ABCA5: variants seen among roughly 807,000 people sequenced by gnomAD.
The protein encoded by ABCA5 is cholesterol transporter ABCA5.
ABCA5 carries 163 observed loss-of-function variants against 206.0 expected under a neutral mutation model. That is an observed-to-expected ratio of 0.79 (90% confidence interval 0.70 to 0.90). The LOEUF (loss-of-function observed/expected upper bound fraction) is 0.90. Ranked by LOEUF, ABCA5 falls within the 40% of genes least tolerant of loss-of-function variation. The probability of loss-of-function intolerance (pLI) is 0.00; values close to 1 mark genes in which losing one functional copy is unlikely to be tolerated. For synonymous variants in ABCA5, 609 were observed against 613.8 expected (o/e 0.99, Z 0.11); for missense variants, 1,859 against 1,912.9 (o/e 0.97, Z 0.53).
intron 11 of ABCA5, among the ~76,000 whole-genome samples, chr17:69,294,250 C>T (rs1033554783): frequency 1.3e-5 from 2 of 152,100 alleles, no homozygotes; most frequent in Non-Finnish European, 2.9e-5. Context: ...GGGCTGGGCG[C>T]AGTGGCTCAT....
intron 9 of ABCA5, among the ~76,000 whole-genome samples, chr17:69,300,844 G>A (rs2075644687): frequency 2.0e-5 from 3 of 151,782 alleles, no homozygotes; most frequent in African/African-American, 7.3e-5. Context: ...GACCTTAGAG[G>A]GTAAAATAAA....
chr17:69,298,289 G>GAAGGA (rs2075610799), intron 9 of ABCA5, among the ~76,000 whole-genome samples: 1 of 48,320 alleles, frequency 2.1e-5, no homozygotes, highest in Non-Finnish European at 4.8e-5. Context: ...GGAAGGGAGG[G>GAAGGA]AGGGGAAAGA....
Position 69,276,050 on chromosome 17 carries a change from C to T in ABCA5, c.2594+1591G>A, listed in dbSNP as rs1477172815. 2.3e-5 allele frequency among the ~76,000 whole-genome samples: 3 copies of T among 132,412 alleles called. 1 individual carries two copies. Among genetic ancestry groups the T allele is most frequent in the Non-Finnish European group, 4.5e-5 (3 of 65,958 alleles). 86.9% of individuals were successfully genotyped at this position (132,412 alleles called of 152,430 possible). A position where few individuals can be genotyped will look rare whatever the true frequency, so the allele number is the denominator to read the frequency against. On this transcript the variant is annotated intron_variant, in intron 19 of 38. Transcript: ENST00000392676. Reference sequence around the variant, plus strand: ...CCCAGTAAATGGTATTTTGTCATGGCAGTCAAAGCTGACTAAGGTATTTTA... The same window carrying T: ...CCCAGTAAATGGTATTTTGTCATGGTAGTCAAAGCTGACTAAGGTATTTTA...
At chr17:69,254,197 AAT>A in intron 32 of ABCA5, 116 bp downstream of exon 32, 1 of 822,850 alleles carries the variant, frequency 1.2e-6, no homozygotes, top group Non-Finnish European at 1.8e-6. Context: ...ATGAAAAAGT[AAT>A]AAACATTTTC....
Position 69,294,696 on chromosome 17 carries a change from T to C in ABCA5, c.1454A>G (p.Lys485Arg). Residue 485 changes from lysine (K) to arginine (R), a missense_variant, in exon 11 of 39, where the codon AAG becomes AGG. Lys to Arg is a conservative substitution (Grantham distance 26). Coordinates refer to ENST00000392676, the MANE Select transcript of ABCA5 (RefSeq NM_172232.4). ...ATTTTCACCCTTCTTTCTGTATGTC[T>C]TCTGAATACCACTAATTCTGAAATA... ...KEAIRISGIQ[K>R]TYRKKGENVE... 1 of 1,604,384 alleles carries C rather than the reference T, an allele frequency of 6.2e-7. No homozygotes were observed. The highest frequency in any genetic ancestry group is 8.5e-7 in the Non-Finnish European group (1 of 1,173,296).
In ABCA5 at chr17:69,246,955, C is replaced by T. The variant is rs547977141; in HGVS notation, c.*582G>A. ...CATGTACTAGAACAAGGGCTCATTTCACTTATTATGATCAATGACTGCCAC... is the reference window on the plus strand; with the variant it reads ...CATGTACTAGAACAAGGGCTCATTTTACTTATTATGATCAATGACTGCCAC... On this transcript the variant is annotated 3_prime_UTR_variant, in exon 39 of 39. Transcript: ENST00000392676. 3 of 152,054 alleles carry T rather than the reference C, an allele frequency of 2.0e-5. No homozygotes were observed. Among genetic ancestry groups the T allele is most frequent in the Admixed American group, 2.0e-4 (3 of 15,272 alleles). The allele number at this position is 152,054 out of a possible 1,614,324, so 9.4% of individuals were successfully genotyped here.
At chr17:69,297,982 T>G (rs886990505) in intron 9 of ABCA5, among the ~76,000 whole-genome samples, 6 of 152,070 alleles carry the variant, frequency 3.9e-5, no homozygotes, top group African/African-American at 1.4e-4. Flanking sequence ...CCCAGGAGTT[T>G]GAGACCAGCC....
In ABCA5 at chr17:69,287,655, C is replaced by G. The variant is rs764955970; in HGVS notation, c.1999G>C (p.Val667Leu). The change falls in exon 15 of 39, where the codon GTG becomes CTG. Residue 667 changes from valine to leucine, a missense_variant. Coordinates refer to ENST00000392676, the MANE Select transcript of ABCA5 (RefSeq NM_172232.4). The part of the protein sequence containing the change: ...LKYRKANRVT[V>L]FSTHFMDEAD... ...TCATCCATGAAATGAGTACTGAACA[C>G]TGTCACCCGATTGGCTTTTCTGTAT... is the stretch of plus-strand genomic sequence containing the variant. 4 of 1,613,924 alleles carry G rather than the reference C, an allele frequency of 2.5e-6. No homozygotes were observed. The highest frequency in any genetic ancestry group is 2.5e-6 in the Non-Finnish European group (3 of 1,179,888).
At position 69,247,148 on chromosome 17, in the gene ABCA5, A is replaced by T. The variant is rs15886; in HGVS notation, c.*389T>A. ...GTATCTTTTCTATGCATTAGTTATG[A>T]ATTAGTTTTTTATTTAGATTGGAAC... On this transcript the variant is annotated 3_prime_UTR_variant, in exon 39 of 39. Transcript: ENST00000392676. 60,408 of 153,154 alleles carry T rather than the reference A, an allele frequency of 0.39. 12,800 individuals carry two copies. The highest frequency in any genetic ancestry group is 0.51 in the Middle Eastern group (151 of 298). 9.5% of individuals were successfully genotyped at this position (153,154 alleles called of 1,614,324 possible).
chr17:69,248,256 T>C lies in ABCA5; in HGVS notation c.4821+6A>G, dbSNP rs767634576. On this transcript the variant is annotated splice_donor_region_variant and intron_variant, in intron 38 of 38. Transcript: ENST00000392676. ...AATAATTTTTAAAAATTTAACTTTA[T>C]AGTACCTGTTCCAATGTTGCTTGAG... is the stretch of plus-strand genomic sequence containing the variant. The C allele has an allele frequency of 4.0e-6, 6 of 1,513,218 alleles. No individual in the cohort carries two copies. The highest frequency in any genetic ancestry group is 3.6e-6 in the Non-Finnish European group (4 of 1,106,000). 93.7% of individuals were successfully genotyped at this position (1,513,218 alleles called of 1,614,324 possible).
At chr17:69,315,788 A>AG (rs1411203157) in intron 1 of ABCA5, among the ~76,000 whole-genome samples, 1 of 151,866 alleles carries the variant, frequency 6.6e-6, no homozygotes, top group African/African-American at 2.4e-5. Flanking sequence ...GCCTCAAAAA[A>AG]AAAAAAAAAT....
At chr17:69,248,394 T>C (rs766576988) in intron 37 of ABCA5, 77 bp from the exon 38 acceptor site, 8 of 803,600 alleles carry the variant, frequency 1.0e-5, no homozygotes, top group Non-Finnish European at 1.6e-5. Context: ...TGGCTAACAA[T>C]GTTTTAAAAT....
chr17:69,251,567 G>A, intron 35 of ABCA5, 180 bp downstream of exon 35: 1 of 704,744 alleles, frequency 1.4e-6, no homozygotes, highest in South Asian at 3.2e-5. Flanking sequence ...CAAATTCAAA[G>A]TAGACAGCCA....
intron 14 of ABCA5, 32 bp from the exon 15 acceptor site, chr17:69,287,783 A>C: frequency 6.3e-7 from 1 of 1,595,984 alleles, no homozygotes; most frequent in Non-Finnish European, 8.5e-7. Context: ...AGGGCAGGGA[A>C]TCCTCAGAAA....
chr17:69,272,943 G>A (rs2075288630), intron 20 of ABCA5, among the ~76,000 whole-genome samples: 1 of 152,174 alleles, frequency 6.6e-6, no homozygotes, highest in Non-Finnish European at 1.5e-5. Context: ...TGTAGGTGAA[G>A]TGTTAGAAAG....
chr17:69,256,347 C>A, intron 28 of ABCA5, 64 bp from the exon 29 acceptor site: 1 of 1,094,652 alleles, frequency 9.1e-7, no homozygotes, highest in Non-Finnish European at 1.2e-6. Flanking sequence ...GTAAGAAATT[C>A]AGATACTAGG....
chr17:69,249,739 G>A (rs1229591077), intron 37 of ABCA5, 166 bp downstream of exon 37: 12 of 823,940 alleles, frequency 1.5e-5, no homozygotes, highest in Middle Eastern at 3.2e-4. Context: ...AAAATAAACC[G>A]AGTCCCCAGT....
intron 20 of ABCA5, 139 bp downstream of exon 20, chr17:69,273,820 G>T: frequency 1.3e-6 from 1 of 768,974 alleles, no homozygotes; most frequent in Non-Finnish European, 1.9e-6. Flanking sequence ...AATAAGATAC[G>T]TATTGAACTA....
At chr17:69,248,340 T>C (rs1431131570) in intron 37 of ABCA5, 23 bp from the exon 38 acceptor site, 4 of 1,417,506 alleles carry the variant, frequency 2.8e-6, no homozygotes, top group Admixed American at 3.8e-5. Context: ...AAAAATAGTA[T>C]TTTACTTATC....
Sources: allele counts gnomAD v4.1 joint callset (sites outside exome capture counted in the v4.1 genomes callset), GRCh38; gene constraint gnomAD v4.1.1; transcripts MANE v1.5; gene names NCBI Gene and HGNC (gene_info 2026-07-23, HGNC 2026-07-21).